Variants in SPTBN1 observed in about 807,000 individuals in gnomAD.
SPTBN1 encodes spectrin beta, non-erythrocytic 1, also known as spectrin beta chain, non-erythrocytic 1.
Under a neutral mutation model 266.4 loss-of-function variants are expected in SPTBN1, and 32 were observed. The ratio of observed to expected loss-of-function variants is 0.12; its 90% CI spans 0.09 to 0.16. The LOEUF is 0.16. Ranked by LOEUF, SPTBN1 falls within the 10% of genes least tolerant of loss-of-function variation. SPTBN1 has a pLI of 1.00. For missense variants in SPTBN1, 2,296 were observed against 3,067.1 expected, an observed-to-expected ratio of 0.75 and a Z score of 5.94; for synonymous variants, 1,336 against 1,162.2, an observed-to-expected ratio of 1.15 and a Z score of -3.04.
chr2:54,529,894 G>A (rs1031986446), intron 2 of SPTBN1: 2 of 382,020 alleles, frequency 5.2e-6, no homozygotes, highest in African/African-American at 2.4e-5. Flanking sequence ...AGGTCCACTT[G>A]ATGTGGGAGT....
At chr2:54,632,429 T>G (rs774827475) in intron 16 of SPTBN1, 137 bp from the exon 17 acceptor site, 4 of 987,636 alleles carry the variant, frequency 4.1e-6, no homozygotes, top group Non-Finnish European at 4.4e-6. Context: ...CTCCTAACTT[T>G]TAATTTGATG....
At chr2:54,516,507 C>T (rs1348048851) in intron 1 of SPTBN1, among the ~76,000 whole-genome samples, 1 of 152,154 alleles carries the variant, frequency 6.6e-6, no homozygotes, top group Admixed American at 6.5e-5. Context: ...TTGTTTAACT[C>T]TTGGGGCCCC....
At chr2:54,661,561 G>A (rs2104226098) in intron 32 of SPTBN1, 2 of 985,708 alleles carry the variant, frequency 2.0e-6, no homozygotes, top group Non-Finnish European at 2.4e-6. Flanking sequence ...AGCTTCTTAT[G>A]TTCTGGGGGT....
chr2:54,616,392 C>T (rs1677611345), intron 5 of SPTBN1, 94 bp downstream of exon 5: 1 of 1,052,872 alleles, frequency 9.5e-7, no homozygotes, highest in Admixed American at 2.3e-5. Flanking sequence ...GTATCTTTTC[C>T]ACTGCTTCCA....
chr2:54,502,040 C>T lies in SPTBN1; in HGVS notation c.-47-24332C>T, dbSNP rs1573286574. On this transcript the variant is annotated intron_variant, in intron 1 of 35. Coordinates refer to ENST00000356805, the MANE Select transcript of SPTBN1 (RefSeq NM_003128.3). Reference sequence around the variant, plus strand: ...TTCCAGACCTGTCCTGACAGCATCACTCTCCAAATGCTAAACTCTGAGAGA... The same window carrying T: ...TTCCAGACCTGTCCTGACAGCATCATTCTCCAAATGCTAAACTCTGAGAGA... Among the ~76,000 whole-genome samples the T allele has an allele frequency of 2.6e-5, 4 of 152,378 alleles. No homozygotes were observed. In the South Asian group the frequency reaches 8.3e-4, roughly 32 times the overall value.
chr2:54,581,643 C>T (rs1454707254), intron 2 of SPTBN1, among the ~76,000 whole-genome samples: 2 of 131,542 alleles, frequency 1.5e-5, no homozygotes, highest in Non-Finnish European at 1.5e-5. Context: ...GTTGAAGGTA[C>T]AGCCCACAGT....
intron 26 of SPTBN1, chr2:54,652,477 C>G (rs942416395): frequency 6.6e-6 from 1 of 152,184 alleles, no homozygotes; most frequent in Admixed American, 6.5e-5. Flanking sequence ...ATTAATTTAA[C>G]CAGTCCTTCA....
At chr2:54,525,102 T>C (rs1229792175) in intron 1 of SPTBN1, among the ~76,000 whole-genome samples, 1 of 152,192 alleles carries the variant, frequency 6.6e-6, no homozygotes, top group Non-Finnish European at 1.5e-5. Flanking sequence ...AAGTCTTCAT[T>C]GTATTTTGGT....
In SPTBN1 at chr2:54,563,341, G is replaced by A. The variant is rs188697273; in HGVS notation, c.149-35751G>A. 9.9e-5 allele frequency among the ~76,000 whole-genome samples: 15 copies of A among 152,146 alleles called. No homozygotes were observed. The East Asian group carries it at 1.7e-3, about 18-fold the overall frequency. On this transcript the variant is annotated intron_variant, in intron 2 of 35. Transcript: ENST00000356805. ...CTTTGCAGCCAGATGCTGACACTCC[G>A]CATCTGATCTTTCTGGAGAAGGTGC...
chr2:54,640,793 C>T (rs1679479971), intron 18 of SPTBN1, among the ~76,000 whole-genome samples: 1 of 152,236 alleles, frequency 6.6e-6, no homozygotes, highest in African/African-American at 2.4e-5. Context: ...CTCAAGTGAC[C>T]CACCCGCCTT....
intron 1 of SPTBN1, among the ~76,000 whole-genome samples, chr2:54,464,027 T>C (rs1406221327): frequency 6.6e-6 from 1 of 152,190 alleles, no homozygotes; most frequent in Non-Finnish European, 1.5e-5. Flanking sequence ...TTCCACTTAA[T>C]GGATAGATAT....
rs1413044688 is a variant in SPTBN1, at chr2:54,526,430, A to G, written c.12A>G (p.Thr4=). MTT[T]VATDYDNIEI... is the part of the protein sequence containing the mutation. Reference sequence around the variant, plus strand: ...TGAGACAGTTCAAGATGACGACCACAGTAGCCACAGACTATGACAACATTG... The same window carrying G: ...TGAGACAGTTCAAGATGACGACCACGGTAGCCACAGACTATGACAACATTG... Residue 4 remains threonine (T), a synonymous_variant, in exon 2 of 36, where the codon ACA becomes ACG. Coordinates refer to ENST00000356805, the MANE Select transcript of SPTBN1 (RefSeq NM_003128.3). 3 of 1,614,204 alleles carry G rather than the reference A, an allele frequency of 1.9e-6. No individual in the cohort carries two copies. Among genetic ancestry groups the G allele is most frequent in the Non-Finnish European group, 2.5e-6 (3 of 1,180,026 alleles).
At chr2:54,631,724 A>C (rs1678744579) in intron 16 of SPTBN1, 113 bp downstream of exon 16, 2 of 1,352,870 alleles carry the variant, frequency 1.5e-6, no homozygotes, top group African/African-American at 2.9e-5. Flanking sequence ...AATTATATGG[A>C]TAATTTAGAG....
intron 1 of SPTBN1, among the ~76,000 whole-genome samples, chr2:54,495,254 G>A (rs887566836): frequency 6.6e-6 from 1 of 152,160 alleles, no homozygotes; most frequent in Non-Finnish European, 1.5e-5. Context: ...CATCACTGAC[G>A]GGTGGTAAGC....
chr2:54,613,415 C>G (rs12467581), intron 4 of SPTBN1, among the ~76,000 whole-genome samples: 120,502 of 152,230 alleles, frequency 0.79, 48,505 homozygotes, highest in African/African-American at 0.93. Context: ...ATCAGCCTGT[C>G]AACAGTCCCT....
chr2:54,547,842 T>C (rs140249981), intron 2 of SPTBN1, among the ~76,000 whole-genome samples: 10 of 152,324 alleles, frequency 6.6e-5, no homozygotes, highest in Admixed American at 5.2e-4. Context: ...ATTCTTCACC[T>C]GTCATTAAAA....
At position 54,645,448 on chromosome 2, in the gene SPTBN1, G is replaced by C; in HGVS notation, c.4489G>C (p.Glu1497Gln). The C allele has an allele frequency of 1.2e-6, 2 of 1,613,968 alleles. No homozygotes were observed. The highest frequency in any genetic ancestry group is 1.7e-6 in the Non-Finnish European group (2 of 1,179,978). Residue 1497 changes from glutamate (E) to glutamine (Q), a missense_variant, in exon 21 of 36, where the codon GAG (glutamate) becomes CAG (glutamine). By Grantham distance (29) the Glu-to-Gln change is conservative (BLOSUM62 2). Transcript: ENST00000356805. This position sits in a 1 kb window ranked among gnomAD's most constrained non-coding sequence, Gnocchi z 4.3. ...IHQFNRDVEDEILWVGERMPL... is the reference protein window; with the variant it reads ...IHQFNRDVEDQILWVGERMPL... ...TCAGTTCAACAGGGATGTGGAGGACGAGATCGTGAGTCGACCCCTACTGCA... is the reference window on the plus strand; with the variant it reads ...TCAGTTCAACAGGGATGTGGAGGACCAGATCGTGAGTCGACCCCTACTGCA...
intron 1 of SPTBN1, among the ~76,000 whole-genome samples, chr2:54,498,736 C>A (rs1037157166): frequency 2.6e-5 from 4 of 152,122 alleles, no homozygotes; most frequent in Non-Finnish European, 4.4e-5. Context: ...TTCTTAAACA[C>A]CCCTTAAATA....
At chr2:54,578,389 T>C (rs1674633255) in intron 2 of SPTBN1, among the ~76,000 whole-genome samples, 1 of 152,226 alleles carries the variant, frequency 6.6e-6, no homozygotes, top group South Asian at 2.1e-4. Context: ...GTTTTTGGGC[T>C]AAGTGTTAGC....
Sources: gnomAD v4.1 joint callset for allele counts (sites outside exome capture counted in the v4.1 genomes callset) on GRCh38, gnomAD v4.1.1 for gene constraint, Gnocchi (gnomAD v3.1) non-coding constraint, MANE v1.5 for transcripts, NCBI Gene and HGNC (gene_info 2026-07-23, HGNC 2026-07-21) for gene names.